SEMA6D: variants seen among roughly 807,000 people sequenced by gnomAD.
SEMA6D encodes semaphorin 6D.
SEMA6D carries 35 observed loss-of-function variants against 106.6 expected under a neutral mutation model. The observed-to-expected ratio is 0.33, with a 90% CI of 0.25 to 0.44. The LOEUF is 0.44. Among genes scored for constraint, SEMA6D ranks in the 20% least tolerant of loss-of-function variants. SEMA6D has a pLI of 1.00. For missense variants in SEMA6D, 1,185 were observed against 1,345.9 expected (o/e 0.88, Z 1.87); for synonymous variants, 499 against 487.7 (o/e 1.02, Z -0.31).
chr15:47,343,248 T>TTATTATTATTATTC (rs1555425175), intron 1 of SEMA6D, among the ~76,000 whole-genome samples: 1 of 146,148 alleles, frequency 6.8e-6, no homozygotes. Flanking sequence ...TAGTTGGATT[T>TTATTATTATTATTC]TTATTATTAT....
intron 1 of SEMA6D, among the ~76,000 whole-genome samples, chr15:47,196,391 T>C (rs1406100511): frequency 6.6e-6 from 1 of 152,106 alleles, no homozygotes; most frequent in Non-Finnish European, 1.5e-5. Context: ...ACATTTTGGA[T>C]ATTATATCCC....
chr15:47,368,510 G>A (rs281277), intron 1 of SEMA6D, among the ~76,000 whole-genome samples: 98,913 of 151,596 alleles, frequency 0.65, 32,948 homozygotes, highest in Non-Finnish European at 0.72. Context: ...TCGCTCTGTC[G>A]CCCAGGCTGG....
chr15:47,404,084 G>A (rs749706323), intron 1 of SEMA6D, among the ~76,000 whole-genome samples: 2 of 152,188 alleles, frequency 1.3e-5, no homozygotes, highest in Non-Finnish European at 2.9e-5. Flanking sequence ...GAAAACATGC[G>A]TCTATCAGTA....
chr15:47,667,487 G>A (rs1451568174), intron 4 of SEMA6D, among the ~76,000 whole-genome samples: 1 of 152,206 alleles, frequency 6.6e-6, no homozygotes, highest in Non-Finnish European at 1.5e-5. Context: ...CCCCTCTGCG[G>A]TATTCCCATC....
At chr15:47,582,826 C>T (rs763651903) in intron 3 of SEMA6D, among the ~76,000 whole-genome samples, 1 of 152,154 alleles carries the variant, frequency 6.6e-6, no homozygotes, top group African/African-American at 2.4e-5. Flanking sequence ...CCCTCAGCTA[C>T]ATACTTGTTC....
chr15:47,625,057 A>G (rs953551000), intron 4 of SEMA6D, among the ~76,000 whole-genome samples: 1 of 151,896 alleles, frequency 6.6e-6, no homozygotes, highest in African/African-American at 2.4e-5. Flanking sequence ...AACCATGATT[A>G]TCACCATTTT....
chr15:47,534,409 C>T (rs2045084552), intron 3 of SEMA6D, among the ~76,000 whole-genome samples: 1 of 152,060 alleles, frequency 6.6e-6, no homozygotes, highest in Admixed American at 6.6e-5. Context: ...TCTCCAACTC[C>T]TGGCCTCAAG....
intron 1 of SEMA6D, among the ~76,000 whole-genome samples, chr15:47,360,754 C>A (rs928782295): frequency 2.0e-5 from 3 of 152,094 alleles, no homozygotes; most frequent in African/African-American, 7.2e-5. Context: ...AATTAAATAT[C>A]CCTAATCATA....
At chr15:47,243,717 G>A (rs781120550) in intron 1 of SEMA6D, among the ~76,000 whole-genome samples, 4 of 151,268 alleles carry the variant, frequency 2.6e-5, no homozygotes, top group Non-Finnish European at 5.9e-5. Context: ...TGGTGTGTGA[G>A]TTTTAAGCTC....
intron 3 of SEMA6D, among the ~76,000 whole-genome samples, chr15:47,553,349 C>T (rs1408831502): frequency 6.6e-6 from 1 of 152,070 alleles, no homozygotes; most frequent in East Asian, 1.9e-4. Flanking sequence ...TTGCCTCTAA[C>T]TACCAGTTAA....
intron 1 of SEMA6D, among the ~76,000 whole-genome samples, chr15:47,720,565 C>A (rs2079365896): frequency 6.6e-6 from 1 of 152,110 alleles, no homozygotes; most frequent in Non-Finnish European, 1.5e-5. Flanking sequence ...TTGCTGCATG[C>A]ACAGAAAGGC....
chr15:47,570,654 C>A (rs979402762), intron 3 of SEMA6D, among the ~76,000 whole-genome samples: 1 of 152,122 alleles, frequency 6.6e-6, no homozygotes, highest in African/African-American at 2.4e-5. Flanking sequence ...GCAGGCCCGG[C>A]GCAGCCTCGT....
At chr15:47,400,488 C>CAAAAA (rs375822492) in intron 1 of SEMA6D, among the ~76,000 whole-genome samples, 3 of 119,152 alleles carry the variant, frequency 2.5e-5, no homozygotes, top group Non-Finnish European at 1.7e-5. Flanking sequence ...GACTCTGTCT[C>CAAAAA]AAAAAAAAAA....
intron 4 of SEMA6D, among the ~76,000 whole-genome samples, chr15:47,683,534 A>G (rs1242102443): frequency 2.6e-5 from 4 of 152,196 alleles, no homozygotes; most frequent in Non-Finnish European, 4.4e-5. Context: ...AACTCTGTAC[A>G]TGGAAAACTC....
intron 1 of SEMA6D, among the ~76,000 whole-genome samples, chr15:47,206,872 A>AAAAACCAAC (rs1370323738): frequency 6.6e-6 from 1 of 152,152 alleles, no homozygotes; most frequent in Non-Finnish European, 1.5e-5. Flanking sequence ...GGTAGCTTCC[A>AAAAACCAAC]AAAACCAACA....
chr15:47,682,711 G>A (rs1028516506), intron 4 of SEMA6D, among the ~76,000 whole-genome samples: 1 of 152,076 alleles, frequency 6.6e-6, no homozygotes, highest in African/African-American at 2.4e-5. Context: ...CAAATCATTC[G>A]GTACCATTGC....
chr15:47,760,877 C>A, intron 3 of SEMA6D, 101 bp from the exon 4 acceptor site: 1 of 1,056,284 alleles, frequency 9.5e-7, no homozygotes, highest in Non-Finnish European at 1.4e-6. Flanking sequence ...TCCAGATGAT[C>A]TCTAAAACAC....
intron 3 of SEMA6D, among the ~76,000 whole-genome samples, chr15:47,497,808 T>C (rs1362464346): frequency 1.3e-5 from 2 of 152,164 alleles, no homozygotes; most frequent in Non-Finnish European, 2.9e-5. Flanking sequence ...ACTGAAGGCT[T>C]GGAATCTTTC....
At chr15:47,354,190 TC>T (rs2038450625) in intron 1 of SEMA6D, among the ~76,000 whole-genome samples, 1 of 25,362 alleles carries the variant, frequency 3.9e-5, no homozygotes, top group Non-Finnish European at 7.0e-5. Flanking sequence ...TCTCTCTCTC[TC>T]TCTCTCTCTA....
Sources: gnomAD v4.1 joint callset for allele counts (sites outside exome capture counted in the v4.1 genomes callset) on GRCh38, gnomAD v4.1.1 for gene constraint, MANE v1.5 for transcripts, NCBI Gene and HGNC (gene_info 2026-07-23, HGNC 2026-07-21) for gene names.